The following ATG13 variants were observed in gnomAD, a reference collection of about 807,000 sequenced individuals.
The protein encoded by ATG13 is autophagy related 13, also known as autophagy-related protein 13.
A neutral mutation model predicts 65.5 loss-of-function variants in ATG13; 23 were observed. The ratio of observed to expected loss-of-function variants is 0.35; its 90% confidence interval spans 0.25 to 0.50. ATG13 has a LOEUF of 0.50. Ranked by LOEUF, ATG13 falls within the 20% of genes least tolerant of loss-of-function variation. The probability of loss-of-function intolerance (pLI) is 0.98; values close to 1 mark genes in which losing one functional copy is unlikely to be tolerated. For missense variants in ATG13, 566 were observed against 677.0 expected (o/e 0.84, Z 1.82); for synonymous variants, 252 against 245.2 (o/e 1.03, Z -0.26).
chr11:46,649,869 CAT>C (rs1306927130), intron 6 of ATG13, among the ~76,000 whole-genome samples: 2 of 152,154 alleles, frequency 1.3e-5, no homozygotes, highest in Non-Finnish European at 2.9e-5. Context: ...TAGGATAGTA[CAT>C]GTTTGCACCT....
At chr11:46,649,780 G>A (rs765043076) in intron 6 of ATG13, among the ~76,000 whole-genome samples, 1 of 152,180 alleles carries the variant, frequency 6.6e-6, no homozygotes, top group Non-Finnish European at 1.5e-5. Flanking sequence ...AAATGCAATT[G>A]CCAGGTTATG....
intron 2 of ATG13, among the ~76,000 whole-genome samples, chr11:46,635,898 T>A (rs1161911475): frequency 6.6e-6 from 1 of 152,198 alleles, no homozygotes; most frequent in Non-Finnish European, 1.5e-5. Flanking sequence ...TTCTTACCTT[T>A]AGTGTAAGAT....
At chr11:46,670,191 A>G (rs997540800) in intron 18 of ATG13, among the ~76,000 whole-genome samples, 1 of 152,154 alleles carries the variant, frequency 6.6e-6, no homozygotes, top group Non-Finnish European at 1.5e-5. Context: ...AGTAATAACA[A>G]TACAGTAATA....
intron 10 of ATG13, 184 bp from the exon 11 acceptor site, chr11:46,659,208 C>A: frequency 1.8e-6 from 1 of 541,324 alleles, no homozygotes; most frequent in Middle Eastern, 5.0e-4. Flanking sequence ...CATTGTCAAA[C>A]CTCTGAGTGC....
rs61349471 is a variant in ATG13, at chr11:46,661,517, C to CAA, written c.789+2049_789+2050dup. Among the ~76,000 whole-genome samples, 273 of 106,438 alleles carry CAA rather than the reference C, an allele frequency of 2.6e-3. 5 individuals carry two copies. Among genetic ancestry groups the CAA allele is most frequent in the African/African-American group, 4.2e-3 (108 of 25,654 alleles). The allele number at this position is 106,438 out of a possible 152,430, so 69.8% of individuals were successfully genotyped here. On this transcript the variant is annotated intron_variant, in intron 11 of 18. Transcript: ENST00000683050. ...CGGGCAACAGAGTGAGACTCCGTCT[C>CAA]AAAAAAAAAAAAAAAAAAGTCATAG...
chr11:46,617,694 C>T lies in ATG13; in HGVS notation c.-266C>T, dbSNP rs544341630. On this transcript the variant is annotated 5_prime_UTR_variant, in exon 1 of 19. Coordinates refer to ENST00000683050, the MANE Select transcript of ATG13 (RefSeq NM_001346311.2). ...GCCAGTCGACGTGGGTGCGACAACT[C>T]GCGGAGTCTTAGGAGCAAAACGTCT... The T allele has an allele frequency of 1.3e-4, 51 of 397,104 alleles. 2 individuals carry two copies. The South Asian group carries it at 5.7e-3, about 44-fold the overall frequency. 24.6% of individuals were successfully genotyped at this position (397,104 alleles called of 1,614,324 possible).
chr11:46,665,625 C>G (rs916666975), intron 14 of ATG13, 106 bp downstream of exon 14: 1 of 1,422,590 alleles, frequency 7.0e-7, no homozygotes, highest in African/African-American at 1.4e-5. Flanking sequence ...TCAGCATTGG[C>G]TGGGACATGG....
rs1438632545 is a variant in ATG13, at chr11:46,657,527, A to G, written c.600A>G (p.Gln200=). ...GAATCTGCTTATTGTATTACAGGCA[A>G]TTTGAGAGGACCCCACCTATCATGG... ...RINLAFMSTR[Q]FERTPPIMGI... Residue 200 remains glutamine, a synonymous_variant, in exon 10 of 19, where the codon CAA becomes CAG. Coordinates refer to ENST00000683050, the MANE Select transcript of ATG13 (RefSeq NM_001346311.2). 6.2e-7 allele frequency: 1 copy of G among 1,613,560 alleles called. No individual in the cohort carries two copies. Among genetic ancestry groups the G allele is most frequent in the African/African-American group, 1.3e-5 (1 of 74,888 alleles).
chr11:46,667,922 C>G, intron 15 of ATG13, 35 bp downstream of exon 15: 1 of 1,539,180 alleles, frequency 6.5e-7, no homozygotes, highest in Non-Finnish European at 9.0e-7. Context: ...GTGAGAATGT[C>G]TGAGTTCTTA....
Position 46,665,405 on chromosome 11 carries a change from G to A in ATG13, c.1022G>A (p.Gly341Asp), listed in dbSNP as rs1238357171. 6.2e-7 allele frequency: 1 copy of A among 1,614,062 alleles called. No individual in the cohort carries two copies. The highest frequency in any genetic ancestry group is 8.5e-7 in the Non-Finnish European group (1 of 1,179,956). Reference protein sequence around the residue: ...PHQLMVPGKEGGVPLAPNQPV... With the variant: ...PHQLMVPGKEDGVPLAPNQPV... ...AAGCTGATGGTTCCTGGGAAGGAAGGTGGGGTACCCCTTGCTCCCAACCAG... is the reference window on the plus strand; with the variant it reads ...AAGCTGATGGTTCCTGGGAAGGAAGATGGGGTACCCCTTGCTCCCAACCAG... Residue 341 changes from glycine to aspartate, a missense_variant, in exon 14 of 19, where the codon GGT becomes GAT. Physicochemically the swap from Gly to Asp is moderately conservative, Grantham distance 94. This residue lies in a region of ATG13 where 387 missense variants were observed against 409.8 expected (regional missense o/e 0.94). Transcript: ENST00000683050.
In ATG13 at chr11:46,626,379, T is replaced by C. The variant is rs377323287; in HGVS notation, c.-69-3666T>C. On this transcript the variant is annotated intron_variant, in intron 1 of 18. Transcript: ENST00000683050. ...GATTCTCCTGCCTCATCCTCCCGAG[T>C]TGCTGAGATTACAGGCACGCACCAC... is the stretch of plus-strand genomic sequence containing the variant. 3.3e-5 allele frequency among the ~76,000 whole-genome samples: 5 copies of C among 152,062 alleles called. No homozygotes were observed. The East Asian group carries it at 9.6e-4, about 29-fold the overall frequency.
chr11:46,622,110 T>C (rs2047824148), intron 1 of ATG13, among the ~76,000 whole-genome samples: 1 of 93,778 alleles, frequency 1.1e-5, no homozygotes, highest in South Asian at 3.2e-4. Flanking sequence ...TATATATATA[T>C]ATATATATAT....
rs1297893395 is a variant in ATG13, at chr11:46,650,231, G to A, written c.372G>A (p.Leu124=). 6.2e-7 allele frequency: 1 copy of A among 1,614,124 alleles called. No homozygotes were observed. Among genetic ancestry groups the A allele is most frequent in the Non-Finnish European group, 8.5e-7 (1 of 1,180,006 alleles). ...CGGTGTACAACAGACTGTCATTGCT[G>A]CTGAAGTCCCTTCTTGCTATAACTA... ...SYTVYNRLSL[L]LKSLLAITRV... The change falls in exon 7 of 19, where the codon CTG becomes CTA. Residue 124 remains leucine, a synonymous_variant. Transcript: ENST00000683050.
chr11:46,633,018 ATATATATATTT>A (rs1565447722), intron 2 of ATG13, among the ~76,000 whole-genome samples: 63 of 101,310 alleles, frequency 6.2e-4, no homozygotes, highest in African/African-American at 3.8e-3. Context: ...ATATATATAT[ATATATATATTT>A]TTTTTTTTTT....
chr11:46,638,262 C>T (rs1032160207), intron 2 of ATG13, among the ~76,000 whole-genome samples: 4 of 152,030 alleles, frequency 2.6e-5, no homozygotes, highest in African/African-American at 9.7e-5. Flanking sequence ...CATGGCATAA[C>T]CCTGTCTCTA....
At chr11:46,633,925 T>A (rs2052934497) in intron 2 of ATG13, among the ~76,000 whole-genome samples, 1 of 152,192 alleles carries the variant, frequency 6.6e-6, no homozygotes, top group Admixed American at 6.6e-5. Context: ...CACAAATAAA[T>A]GAAAGCAATT....
chr11:46,669,088 A>G lies in ATG13; in HGVS notation c.1446+178A>G, dbSNP rs902007007. On this transcript the variant is annotated intron_variant, in intron 17 of 18. Transcript: ENST00000683050. ...TTTGGAGGCCGATAAACAACAAGGC[A>G]TTTTTTGTCATGCCTTTGGTTAAAA... Among the ~76,000 whole-genome samples the G allele has an allele frequency of 5.3e-5, 8 of 152,182 alleles. No homozygotes were observed. The East Asian group carries it at 1.5e-3, about 29-fold the overall frequency.
At chr11:46,638,371 G>A (rs1477208862) in intron 2 of ATG13, 1 of 152,214 alleles carries the variant, frequency 6.6e-6, no homozygotes, top group Admixed American at 6.6e-5. Context: ...CCGGGAGTCG[G>A]AAGTTGCAGT....
At chr11:46,658,235 A>G (rs184969056) in intron 10 of ATG13, among the ~76,000 whole-genome samples, 58 of 152,082 alleles carry the variant, frequency 3.8e-4, no homozygotes, top group Admixed American at 3.6e-3. Flanking sequence ...CTCAGAAAAC[A>G]GGGGTTAGAC....
Sources: gnomAD v4.1 joint callset for allele counts (sites outside exome capture counted in the v4.1 genomes callset) on GRCh38, gnomAD v4.1.1 for gene constraint, gnomAD v4.1.1 regional missense constraint, MANE v1.5 for transcripts, NCBI Gene and HGNC (gene_info 2026-07-23, HGNC 2026-07-21) for gene names.